The following APAF1 variants were observed in gnomAD, a reference collection of about 807,000 sequenced individuals.
The protein encoded by APAF1 is apoptotic protease-activating factor 1.
A neutral mutation model predicts 152.4 loss-of-function variants in APAF1; 91 were observed. The ratio of observed to expected loss-of-function variants is 0.60; its 90% CI spans 0.50 to 0.71. APAF1 has a LOEUF of 0.71. Ranked by LOEUF, APAF1 falls within the 30% of genes least tolerant of loss-of-function variation. The pLI, the probability that APAF1 is intolerant of heterozygous loss-of-function variation, is 0.00. For synonymous variants in APAF1, 484 were observed against 494.1 expected (o/e 0.98, Z 0.27); for missense variants, 1,283 against 1,472.0 (o/e 0.87, Z 2.10).
chr12:98,705,402 C>G (rs2097720340), intron 18 of APAF1, among the ~76,000 whole-genome samples: 1 of 152,132 alleles, frequency 6.6e-6, no homozygotes. Flanking sequence ...GAACCACTTT[C>G]ATTTTTGGCC....
intron 15 of APAF1, among the ~76,000 whole-genome samples, chr12:98,684,197 A>G (rs186604035): frequency 1.3e-5 from 2 of 152,314 alleles, no homozygotes; most frequent in African/African-American, 4.8e-5. Flanking sequence ...TTTAGAAAGT[A>G]CTGAAACAGT....
rs560815444 is a variant in APAF1, at chr12:98,697,525, A to G, written c.2305-1883A>G. Among the ~76,000 whole-genome samples, 41 of 152,336 alleles carry G rather than the reference A, an allele frequency of 2.7e-4. 1 individual carries two copies. The highest frequency in any genetic ancestry group is 9.6e-4 in the African/African-American group (40 of 41,576). ...TTCTTCAAACTCGGACACTTTTTAA[A>G]AAGTCATCATTTGACAGGGACAGGA... On this transcript the variant is annotated intron_variant, in intron 16 of 26. Transcript: ENST00000551964.
chr12:98,679,960 G>C (rs375547104), intron 13 of APAF1, among the ~76,000 whole-genome samples: 2 of 152,364 alleles, frequency 1.3e-5, no homozygotes, highest in South Asian at 2.1e-4. Context: ...CCAAGTGGGT[G>C]AAACAAGACC....
At chr12:98,656,026 G>A (rs1410613156) in intron 4 of APAF1, among the ~76,000 whole-genome samples, 2 of 151,844 alleles carry the variant, frequency 1.3e-5, no homozygotes, top group Admixed American at 6.6e-5. Flanking sequence ...CTTGTGATCC[G>A]CCCACCTCGG....
chr12:98,663,192 G>A (rs1266271232), intron 7 of APAF1, among the ~76,000 whole-genome samples: 1 of 151,856 alleles, frequency 6.6e-6, no homozygotes, highest in Non-Finnish European at 1.5e-5. Context: ...TTTTTTTTTA[G>A]CGAAGTTAAA....
chr12:98,681,994 T>A (rs538400427), intron 14 of APAF1, among the ~76,000 whole-genome samples: 2 of 152,240 alleles, frequency 1.3e-5, no homozygotes, highest in African/African-American at 4.8e-5. Flanking sequence ...TTTGTTGTTA[T>A]ATGGCATAGA....
chr12:98,663,082 A>AAAATAGAG (rs1416375647), intron 7 of APAF1, among the ~76,000 whole-genome samples: 2 of 152,208 alleles, frequency 1.3e-5, no homozygotes, highest in Admixed American at 6.5e-5. Context: ...GTTAGAGTTA[A>AAAATAGAG]AAATAGAGTG....
chr12:98,706,691 G>A, intron 19 of APAF1, 81 bp downstream of exon 19: 2 of 1,521,108 alleles, frequency 1.3e-6, no homozygotes, highest in South Asian at 1.1e-5. Flanking sequence ...TTGATGGGTA[G>A]CACTGAGGTA....
chr12:98,688,054 C>A (rs2097699878), intron 16 of APAF1, among the ~76,000 whole-genome samples: 1 of 152,152 alleles, frequency 6.6e-6, no homozygotes, highest in African/African-American at 2.4e-5. Flanking sequence ...ATAATTTATT[C>A]ATTCTGCCTT....
In APAF1 at chr12:98,715,511, G is replaced by A. The variant is rs1310365747; in HGVS notation, c.3043G>A (p.Glu1015Lys). The change falls in exon 22 of 27, where the codon GAG becomes AAG. Residue 1015 changes from glutamate (E) to lysine (K), a missense_variant. Coordinates refer to ENST00000551964, the MANE Select transcript of APAF1 (RefSeq NM_181861.2). ...ATGGCACATCCAGTTCACAGCCGAT[G>A]AGAAGACTCTTATTTCAAGTTCTGA... ...TVWHIQFTAD[E>K]KTLISSSDDA... The A allele has an allele frequency of 6.2e-7, 1 of 1,613,608 alleles. No homozygotes were observed. The highest frequency in any genetic ancestry group is 8.5e-7 in the Non-Finnish European group (1 of 1,179,828).
At position 98,695,362 on chromosome 12, in the gene APAF1, C is replaced by CCT. The variant is rs532047525; in HGVS notation, c.2305-4046_2305-4045insCT. On this transcript the variant is annotated intron_variant, in intron 16 of 26. Transcript: ENST00000551964. ...CACTGCGCCCAATGCCGCCCCCCCCCTTTTTTTTTTTTGAGACAGGGTCTC... is the reference window on the plus strand; with the variant it reads ...CACTGCGCCCAATGCCGCCCCCCCCCCTTTTTTTTTTTTTGAGACAGGGTCTC... Among the ~76,000 whole-genome samples the CCT allele has an allele frequency of 6.5e-3, 928 of 141,826 alleles. 17 individuals carry two copies. The highest frequency in any genetic ancestry group is 0.021 in the South Asian group (91 of 4,276). The allele number at this position is 141,826 out of a possible 152,430, so 93.0% of individuals were successfully genotyped here.
At chr12:98,727,580 G>C (rs2097752435) in intron 26 of APAF1, among the ~76,000 whole-genome samples, 1 of 149,248 alleles carries the variant, frequency 6.7e-6, no homozygotes, top group African/African-American at 2.5e-5. Context: ...AGTAAAATGA[G>C]TTTAGTAACT....
chr12:98,677,531 G>T lies in APAF1; in HGVS notation c.1900G>T (p.Gly634Ter). Residue 634 changes from glycine to a stop codon, truncating the protein, a stop_gained, in exon 13 of 27, where the codon GGA becomes TGA. Transcript: ENST00000551964. LOFTEE classifies it high-confidence loss of function. ...SEDGQRIASC[G>*]ADKTLQVFKA... ...GGATGGTCAGAGAATAGCTTCTTGT[G>T]GAGCTGATAAAACCTTACAGGTAAA... 1.2e-6 allele frequency: 2 copies of T among 1,614,086 alleles called. No homozygotes were observed. The highest frequency in any genetic ancestry group is 1.7e-6 in the Non-Finnish European group (2 of 1,180,008).
At chr12:98,717,485 C>A (rs539179699) in intron 22 of APAF1, among the ~76,000 whole-genome samples, 2 of 151,860 alleles carry the variant, frequency 1.3e-5, no homozygotes, top group Non-Finnish European at 2.9e-5. Flanking sequence ...AAGCGATTCT[C>A]CTGCCTCAGC....
chr12:98,723,387 C>A, intron 23 of APAF1, 75 bp downstream of exon 23: 2 of 1,495,574 alleles, frequency 1.3e-6, no homozygotes, highest in Non-Finnish European at 1.9e-6. Context: ...CAGTCAAAAG[C>A]CACTGTGAGG....
chr12:98,706,157 C>G (rs2097721188), intron 18 of APAF1, among the ~76,000 whole-genome samples: 1 of 151,926 alleles, frequency 6.6e-6, no homozygotes, highest in Non-Finnish European at 1.5e-5. Flanking sequence ...TGCTTTTTTT[C>G]TGTTAACAAT....
intron 4 of APAF1, among the ~76,000 whole-genome samples, chr12:98,650,193 G>A (rs536582215): frequency 3.3e-5 from 5 of 152,064 alleles, no homozygotes; most frequent in Non-Finnish European, 7.4e-5. Context: ...ACTTCTAGTA[G>A]TTAATAATTT....
intron 16 of APAF1, among the ~76,000 whole-genome samples, chr12:98,691,130 C>A (rs1339045912): frequency 1.3e-5 from 2 of 152,178 alleles, no homozygotes; most frequent in African/African-American, 4.8e-5. Flanking sequence ...TTGCTTGAAC[C>A]CGGGAGGCGG....
chr12:98,703,539 G>C (rs1173307911), intron 18 of APAF1, 40 bp downstream of exon 18: 1 of 1,613,352 alleles, frequency 6.2e-7, no homozygotes, highest in East Asian at 2.2e-5. Context: ...TGGGTTTCCA[G>C]AGATCAAAGG....
Sources: allele counts gnomAD v4.1 joint callset (sites outside exome capture counted in the v4.1 genomes callset), GRCh38; gene constraint gnomAD v4.1.1; transcripts MANE v1.5; gene names NCBI Gene and HGNC (gene_info 2026-07-23, HGNC 2026-07-21).